Variants in CCDC85A observed in about 807,000 individuals in gnomAD.
CCDC85A encodes coiled-coil domain containing 85A.
In CCDC85A, 38 loss-of-function variants were observed where a neutral mutation model predicts 50.2. The observed-to-expected ratio is 0.76, with a 90% CI of 0.58 to 0.99. The LOEUF is 0.99. Ranked by LOEUF, CCDC85A falls within the 50% of genes least tolerant of loss-of-function variation. The pLI is 0.00. For synonymous variants in CCDC85A, 366 were observed against 301.4 expected, an observed-to-expected ratio of 1.21 and a Z score of -2.22; for missense variants, 820 against 742.0, an observed-to-expected ratio of 1.11 and a Z score of -1.22.
intron 2 of CCDC85A, among the ~76,000 whole-genome samples, chr2:56,248,018 T>C (rs765116416): frequency 6.6e-6 from 1 of 152,210 alleles, no homozygotes; most frequent in Non-Finnish European, 1.5e-5. Flanking sequence ...CTTTACCTGC[T>C]CTGCTCAGAG....
chr2:56,186,359 T>C (rs952250171), intron 1 of CCDC85A, among the ~76,000 whole-genome samples: 1 of 152,196 alleles, frequency 6.6e-6, no homozygotes, highest in East Asian at 1.9e-4. Flanking sequence ...GGTAATTACT[T>C]TCTCAGATCC....
intron 3 of CCDC85A, among the ~76,000 whole-genome samples, chr2:56,358,845 C>T (rs2104363194): frequency 6.6e-6 from 1 of 151,738 alleles, no homozygotes; most frequent in African/African-American, 2.4e-5. Flanking sequence ...AGTACAGTGG[C>T]ACGATCTTGG....
intron 2 of CCDC85A, among the ~76,000 whole-genome samples, chr2:56,203,193 T>C (rs1408524617): frequency 1.3e-5 from 2 of 152,186 alleles, no homozygotes; most frequent in African/African-American, 4.8e-5. Flanking sequence ...ATTTTACATA[T>C]GAGGACACTT....
At chr2:56,334,245 T>C (rs1005767646) in intron 2 of CCDC85A, among the ~76,000 whole-genome samples, 2 of 152,174 alleles carry the variant, frequency 1.3e-5, no homozygotes, top group African/African-American at 4.8e-5. Context: ...CCAGATCTTA[T>C]CATTCCTGGC....
At chr2:56,354,611 A>G (rs1308996643) in intron 3 of CCDC85A, among the ~76,000 whole-genome samples, 1 of 152,200 alleles carries the variant, frequency 6.6e-6, no homozygotes, top group Non-Finnish European at 1.5e-5. Flanking sequence ...TTTACTGTTT[A>G]GAAGAAGCTC....
chr2:56,302,941 T>TA (rs1672274568), intron 2 of CCDC85A, among the ~76,000 whole-genome samples: 2 of 152,186 alleles, frequency 1.3e-5, no homozygotes, highest in Admixed American at 1.3e-4. Flanking sequence ...GCATTTTAGC[T>TA]GTGAAAACCA....
intron 2 of CCDC85A, among the ~76,000 whole-genome samples, chr2:56,222,109 C>T (rs536368336): frequency 6.6e-6 from 1 of 152,164 alleles, no homozygotes; most frequent in Admixed American, 6.6e-5. Context: ...ACTGTTGCTT[C>T]GGGGGTTAAG....
chr2:56,205,280 C>G (rs1307386241), intron 2 of CCDC85A, among the ~76,000 whole-genome samples: 33 of 152,000 alleles, frequency 2.2e-4, no homozygotes, highest in Admixed American at 2.2e-3. Flanking sequence ...TAGTTATGTC[C>G]CATTTAAATG....
chr2:56,215,978 C>T (rs1677378295), intron 2 of CCDC85A, among the ~76,000 whole-genome samples: 1 of 151,862 alleles, frequency 6.6e-6, no homozygotes, highest in Non-Finnish European at 1.5e-5. Flanking sequence ...CAGCCATGTG[C>T]ATTGATTTAT....
At chr2:56,329,943 C>CTTTT (rs1336192523) in intron 2 of CCDC85A, among the ~76,000 whole-genome samples, 32 of 22,884 alleles carry the variant, frequency 1.4e-3, no homozygotes, top group East Asian at 6.7e-3. Context: ...TACAGATTTC[C>CTTTT]TGTTTTTTTT....
intron 2 of CCDC85A, among the ~76,000 whole-genome samples, chr2:56,228,324 T>TATG: frequency 6.8e-6 from 1 of 148,058 alleles, no homozygotes; most frequent in Admixed American, 6.7e-5. Flanking sequence ...AAACTTAAAG[T>TATG]ATAATAATAA....
At chr2:56,210,672 C>T (rs78677898) in intron 2 of CCDC85A, among the ~76,000 whole-genome samples, 4,747 of 152,002 alleles carry the variant, frequency 0.031, 94 homozygotes, top group South Asian at 0.11. Flanking sequence ...CCCCGAATTT[C>T]GGTGCAGATT....
In CCDC85A at chr2:56,342,942, G is replaced by T; in HGVS notation, c.1304G>T (p.Arg435Leu). 1.9e-6 allele frequency: 3 copies of T among 1,594,596 alleles called. No individual in the cohort carries two copies. The highest frequency in any genetic ancestry group is 2.6e-6 in the Non-Finnish European group (3 of 1,169,468). ...GTAAGACAGCTGGAGGAAGAAAATC[G>T]CATGCTGCCCCAGGTGGGTGACTTC... ...ARVRQLEEEN[R>L]MLPQASQNRR... The change falls in exon 3 of 6, where the codon CGC (arginine) becomes CTC (leucine). Residue 435 changes from arginine to leucine, a missense_variant. Arg to Leu is a moderately radical substitution (Grantham distance 102, BLOSUM62 -2). Transcript: ENST00000407595.
intron 5 of CCDC85A, chr2:56,383,520 A>G (rs532312390): frequency 1.1e-5 from 10 of 908,704 alleles, no homozygotes; most frequent in Non-Finnish European, 1.3e-5. Context: ...TTGTCCCTCT[A>G]TGTGGCCCAG....
intron 5 of CCDC85A, among the ~76,000 whole-genome samples, chr2:56,383,198 T>C (rs1676671230): frequency 6.6e-6 from 1 of 151,970 alleles, no homozygotes; most frequent in Non-Finnish European, 1.5e-5. Flanking sequence ...CTATGAAGGA[T>C]ATTGGGTTTC....
chr2:56,353,367 A>G (rs1231082581), intron 3 of CCDC85A, among the ~76,000 whole-genome samples: 1 of 152,228 alleles, frequency 6.6e-6, no homozygotes, highest in Non-Finnish European at 1.5e-5. Flanking sequence ...TTCCCTAACA[A>G]TATACATATT....
chr2:56,321,378 A>G (rs896261629), intron 2 of CCDC85A, among the ~76,000 whole-genome samples: 15 of 152,134 alleles, frequency 9.9e-5, no homozygotes, highest in African/African-American at 3.1e-4. Flanking sequence ...ACGTGATTGT[A>G]TATATTTAGA....
At chr2:56,268,620 G>GAAA (rs1670561255) in intron 2 of CCDC85A, among the ~76,000 whole-genome samples, 6 of 145,116 alleles carry the variant, frequency 4.1e-5, no homozygotes, top group African/African-American at 7.5e-5. Context: ...GAAAAGAAAA[G>GAAA]AAAAGAAGAA....
chr2:56,307,207 G>A (rs1290362381), intron 2 of CCDC85A, among the ~76,000 whole-genome samples: 2 of 151,982 alleles, frequency 1.3e-5, no homozygotes, highest in Non-Finnish European at 2.9e-5. Context: ...TTTATTGCAC[G>A]ATACAGTCTT....
Sources: gnomAD v4.1 joint callset for allele counts (sites outside exome capture counted in the v4.1 genomes callset) on GRCh38, gnomAD v4.1.1 for gene constraint, MANE v1.5 for transcripts, NCBI Gene and HGNC (gene_info 2026-07-23, HGNC 2026-07-21) for gene names.